PIKFYVE: variants seen among roughly 807,000 people sequenced by gnomAD.
PIKFYVE encodes the protein 1-phosphatidylinositol 3-phosphate 5-kinase.
PIKFYVE carries 122 observed loss-of-function variants against 257.9 expected under a neutral mutation model. The ratio of observed to expected loss-of-function variants is 0.47; its 90% CI spans 0.41 to 0.55. PIKFYVE has a LOEUF of 0.55. Among genes scored for constraint, PIKFYVE ranks in the 20% least tolerant of loss-of-function variants. PIKFYVE has a pLI of 0.00. For missense variants in PIKFYVE, 2,160 were observed against 2,536.6 expected, an observed-to-expected ratio of 0.85 and a Z score of 3.19; for synonymous variants, 892 against 868.9, an observed-to-expected ratio of 1.03 and a Z score of -0.47.
At chr2:208,320,429 A>T in intron 17 of PIKFYVE, 70 bp downstream of exon 17, 1 of 1,574,040 alleles carries the variant, frequency 6.4e-7, no homozygotes, top group Non-Finnish European at 8.7e-7. Context: ...TAAACTCTTA[A>T]TGATTTTGAC....
rs1251427743 is a variant in PIKFYVE, at chr2:208,325,079, AACTTATC to A, written c.2458+46_2458+52del. On this transcript the variant is annotated intron_variant, in intron 19 of 41. Coordinates refer to ENST00000264380, the MANE Select transcript of PIKFYVE (RefSeq NM_015040.4). ...ATAGATTGACCTGAGGAAAAGAGTT[AACTTATC>A]ACTACTACAATGTTTACTTACTAGG... The A allele has an allele frequency of 5.6e-6, 9 of 1,611,780 alleles. No homozygotes were observed. The African/African-American group carries it at 1.2e-4, about 22-fold the overall frequency.
At chr2:208,351,646 T>C (rs1458242805) in intron 38 of PIKFYVE, among the ~76,000 whole-genome samples, 191 bp downstream of exon 38, 3 of 152,112 alleles carry the variant, frequency 2.0e-5, no homozygotes, top group Admixed American at 2.0e-4. Context: ...GCGGCGTCTG[T>C]TTCTGGTGAG....
At position 208,296,597 on chromosome 2, in the gene PIKFYVE, A is replaced by G. The variant is rs545374356; in HGVS notation, c.912-2044A>G. Among the ~76,000 whole-genome samples the G allele has an allele frequency of 6.6e-5, 10 of 152,306 alleles. No homozygotes were observed. In the South Asian group the frequency reaches 2.1e-3, roughly 32 times the overall value. On this transcript the variant is annotated intron_variant, in intron 7 of 41. Coordinates refer to ENST00000264380, the MANE Select transcript of PIKFYVE (RefSeq NM_015040.4). ...TGGATGTTGTCATCATGTGTATGGT[A>G]TTTATGAACTTGGATGGAGATCATC... is the stretch of plus-strand genomic sequence containing the variant.
At chr2:208,309,478 C>T (rs1381437194) in intron 12 of PIKFYVE, among the ~76,000 whole-genome samples, 1 of 152,124 alleles carries the variant, frequency 6.6e-6, no homozygotes, top group Admixed American at 6.6e-5. Context: ...CATTAGTGGC[C>T]ATATAATGTC....
rs578140105 is a variant in PIKFYVE at position 208,317,371 on chromosome 2, A to G, written c.2008-496A>G. ...AGACATTTATGCAGCCAAAAGACAC[A>G]TGAAAAAATGCTCATCATCACTGGC... is the stretch of plus-strand genomic sequence containing the variant. On this transcript the variant is annotated intron_variant, in intron 15 of 41. Transcript: ENST00000264380. Among the ~76,000 whole-genome samples the G allele has an allele frequency of 3.9e-5, 6 of 152,330 alleles. No individual in the cohort carries two copies. In the East Asian group the frequency reaches 5.8e-4, roughly 15 times the overall value.
Position 208,326,314 on chromosome 2 carries a change from A to T in PIKFYVE, c.3503A>T (p.Asp1168Val). ...GGAAGAATTCAGCCCAAAAATTCAGACCCTTTTGCTCATTCAAAGGATGCA... is the reference window on the plus strand; with the variant it reads ...GGAAGAATTCAGCCCAAAAATTCAGTCCCTTTTGCTCATTCAAAGGATGCA... ...RGGRIQPKNS[D>V]PFAHSKDASS... The change falls in exon 20 of 42, where the codon GAC becomes GTC. Residue 1168 changes from aspartate to valine, a missense_variant. Coordinates refer to ENST00000264380, the MANE Select transcript of PIKFYVE (RefSeq NM_015040.4). The T allele has an allele frequency of 6.2e-7, 1 of 1,607,100 alleles. No individual in the cohort carries two copies. The highest frequency in any genetic ancestry group is 8.5e-7 in the Non-Finnish European group (1 of 1,176,696).
At chr2:208,297,111 G>T (rs1435773816) in intron 7 of PIKFYVE, among the ~76,000 whole-genome samples, 1 of 152,156 alleles carries the variant, frequency 6.6e-6, no homozygotes, top group Non-Finnish European at 1.5e-5. Context: ...AAGTCTTTAG[G>T]AAAGACGTAA....
At chr2:208,311,897 T>C (rs1202257983) in intron 12 of PIKFYVE, among the ~76,000 whole-genome samples, 3 of 152,228 alleles carry the variant, frequency 2.0e-5, no homozygotes, top group African/African-American at 7.2e-5. Flanking sequence ...TGTAATCTTT[T>C]AGGATGGTCG....
At chr2:208,302,393 C>T (rs755884205) in intron 10 of PIKFYVE, 40 bp downstream of exon 10, 2 of 1,502,800 alleles carry the variant, frequency 1.3e-6, no homozygotes, top group South Asian at 1.1e-5. Flanking sequence ...ATGTAGCAAG[C>T]TTATTTTATA....
chr2:208,291,669 G>A (rs186122916), intron 7 of PIKFYVE, among the ~76,000 whole-genome samples: 64 of 152,090 alleles, frequency 4.2e-4, no homozygotes, highest in Admixed American at 2.9e-3. Flanking sequence ...GGTCTGTTTC[G>A]ATTTTCATTT....
chr2:208,301,265 C>G (rs1333009932), intron 9 of PIKFYVE, among the ~76,000 whole-genome samples, 171 bp downstream of exon 9: 1 of 152,062 alleles, frequency 6.6e-6, no homozygotes, highest in Non-Finnish European at 1.5e-5. Context: ...TGAGTTTTAA[C>G]CAGCAGAGAA....
chr2:208,294,806 C>G (rs1007647452), intron 7 of PIKFYVE, among the ~76,000 whole-genome samples: 1 of 152,138 alleles, frequency 6.6e-6, no homozygotes, highest in African/African-American at 2.4e-5. Flanking sequence ...AATAGTTTCT[C>G]CTCAGGGCAG....
intron 10 of PIKFYVE, among the ~76,000 whole-genome samples, chr2:208,303,443 C>T (rs569561727): frequency 2.4e-4 from 36 of 152,212 alleles, no homozygotes; most frequent in African/African-American, 8.2e-4. Context: ...ACAATTAATA[C>T]ATATTTTGTA....
chr2:208,319,806 C>G (rs1485582876), intron 16 of PIKFYVE, among the ~76,000 whole-genome samples: 1 of 152,140 alleles, frequency 6.6e-6, no homozygotes, highest in African/African-American at 2.4e-5. Context: ...ATTCTATTAG[C>G]AATATGTTCA....
chr2:208,279,951 A>G (rs2125083859), intron 5 of PIKFYVE, among the ~76,000 whole-genome samples: 1 of 152,356 alleles, frequency 6.6e-6, no homozygotes, highest in East Asian at 1.9e-4. Flanking sequence ...CCTGACTTCA[A>G]ATTGTAATCT....
chr2:208,331,151 A>G (rs1256306426), intron 23 of PIKFYVE, among the ~76,000 whole-genome samples: 1 of 152,178 alleles, frequency 6.6e-6, no homozygotes, highest in Non-Finnish European at 1.5e-5. Flanking sequence ...GAGCATTTCT[A>G]TTCACATACA....
chr2:208,335,520 A>G, intron 25 of PIKFYVE, 101 bp downstream of exon 25: 1 of 1,004,992 alleles, frequency 1.0e-6, no homozygotes, highest in Non-Finnish European at 1.5e-6. Flanking sequence ...AAATTTTCTA[A>G]TTGTATGCTA....
intron 8 of PIKFYVE, among the ~76,000 whole-genome samples, chr2:208,300,364 A>G (rs1456381852): frequency 2.0e-5 from 3 of 152,138 alleles, no homozygotes; most frequent in East Asian, 3.9e-4. Context: ...TTTAATTGGG[A>G]GAGAGTTTAA....
intron 38 of PIKFYVE, among the ~76,000 whole-genome samples, chr2:208,352,427 A>G (rs1699857892): frequency 6.6e-6 from 1 of 152,126 alleles, no homozygotes; most frequent in African/African-American, 2.4e-5. Context: ...TTTTGAATTT[A>G]ATCAACTGAA....
Sources: gnomAD v4.1 joint callset for allele counts (sites outside exome capture counted in the v4.1 genomes callset) on GRCh38, gnomAD v4.1.1 for gene constraint, MANE v1.5 for transcripts, NCBI Gene and HGNC (gene_info 2026-07-23, HGNC 2026-07-21) for gene names.